The following AGL variants were observed in gnomAD, a reference collection of about 807,000 sequenced individuals.
The protein encoded by AGL is amylo-alpha-1,6-glucosidase and 4-alpha-glucanotransferase.
A neutral mutation model predicts 199.3 loss-of-function variants in AGL; 128 were observed. The ratio of observed to expected loss-of-function variants is 0.64; its 90% CI spans 0.56 to 0.74. The LOEUF (loss-of-function observed/expected upper bound fraction) is 0.74. Among genes scored for constraint, AGL ranks in the 30% least tolerant of loss-of-function variants. The probability of loss-of-function intolerance (pLI) is 0.00; values close to 1 mark genes in which losing one functional copy is unlikely to be tolerated. For synonymous variants in AGL, 584 were observed against 594.7 expected (o/e 0.98, Z 0.26); for missense variants, 1,809 against 1,820.8 (o/e 0.99, Z 0.12).
intron 27 of AGL, 23 bp downstream of exon 27, chr1:99,902,817 G>A (rs779353081): frequency 1.9e-6 from 3 of 1,551,548 alleles, no homozygotes; most frequent in Non-Finnish European, 2.7e-6. Context: ...AACTAAAATA[G>A]TACAAATTTA....
At chr1:99,852,445 G>A (rs1311902677) in intron 2 of AGL, 2 of 518,406 alleles carry the variant, frequency 3.9e-6, no homozygotes, top group East Asian at 6.8e-5. Context: ...TCATGGCTCA[G>A]TGCTGCCTCA....
intron 5 of AGL, among the ~76,000 whole-genome samples, chr1:99,870,015 T>C (rs780084116): frequency 3.3e-4 from 50 of 152,302 alleles, no homozygotes; most frequent in Non-Finnish European, 6.3e-4. Flanking sequence ...GATTCTGAAC[T>C]ATAAGCTACA....
intron 10 of AGL, 55 bp downstream of exon 10, chr1:99,875,510 T>A: frequency 6.9e-7 from 1 of 1,439,588 alleles, no homozygotes; most frequent in Non-Finnish European, 9.8e-7. Context: ...AAATTGTATT[T>A]AACTTTTGAA....
At position 99,850,980 on chromosome 1, in the gene AGL, ACT is replaced by A; in HGVS notation, c.-61_-60del. Reference sequence around the variant, plus strand: ...AACTCCTTTTTGTTTCATAGGGGTAACTCATTCGACTGTGGAGTTCTTTTAAT... The same window carrying A: ...AACTCCTTTTTGTTTCATAGGGGTAACATTCGACTGTGGAGTTCTTTTAAT... On this transcript the variant is annotated 5_prime_UTR_variant, in exon 2 of 34. Transcript: ENST00000361915. The A allele has an allele frequency of 7.6e-7, 1 of 1,318,254 alleles. No individual in the cohort carries two copies. Among genetic ancestry groups the A allele is most frequent in the Admixed American group, 1.7e-5 (1 of 59,540 alleles). 81.7% of individuals were successfully genotyped at this position (1,318,254 alleles called of 1,614,324 possible). A position where few individuals can be genotyped will look rare whatever the true frequency, so the allele number is the denominator to read the frequency against.
Position 99,851,116 on chromosome 1 carries a change from T to C in AGL, c.74T>C (p.Leu25Pro), listed in dbSNP as rs765881303. The change falls in exon 2 of 34, where the codon CTT (leucine) becomes CCT (proline). Residue 25 changes from leucine (L) to proline (P), a missense_variant. By Grantham distance (98) the Leu-to-Pro change is moderately conservative. Coordinates refer to ENST00000361915, the MANE Select transcript of AGL (RefSeq NM_000642.3). ...AAACTGGAAAAGACCCTCTTCAGAC[T>C]TGAACAAGGTCAGTAGCAAGTTGTT... ...MEKLEKTLFR[L>P]EQGYELQFRL... 3.7e-6 allele frequency: 6 copies of C among 1,613,704 alleles called. No individual in the cohort carries two copies. The highest frequency in any genetic ancestry group is 1.3e-5 in the African/African-American group (1 of 74,934).
chr1:99,900,496 T>G, intron 25 of AGL, 140 bp from the exon 26 acceptor site: 1 of 771,038 alleles, frequency 1.3e-6, no homozygotes, highest in South Asian at 1.6e-5. Context: ...ATACTATGAC[T>G]ACTTTCTACA....
chr1:99,877,739 C>T lies in AGL; in HGVS notation c.1522C>T (p.His508Tyr), dbSNP rs762213515. 7.4e-6 allele frequency: 12 copies of T among 1,614,000 alleles called. No homozygotes were observed. Among genetic ancestry groups the T allele is most frequent in the Non-Finnish European group, 1.0e-5 (12 of 1,179,948 alleles). Residue 508 changes from histidine to tyrosine, a missense_variant, in exon 12 of 34, where the codon CAC becomes TAC. Physicochemically the swap from His to Tyr is moderately conservative, Grantham distance 83 (BLOSUM62 2). Coordinates refer to ENST00000361915, the MANE Select transcript of AGL (RefSeq NM_000642.3). ...KPEDCPYLWAHMKKYTEITAT... is the reference protein window; with the variant it reads ...KPEDCPYLWAYMKKYTEITAT... ...AGAGGACTGTCCTTATCTCTGGGCA[C>T]ACATGAAAAAATACACTGAAATAAC...
At position 99,907,686 on chromosome 1, in the gene AGL, G is replaced by GTTTTTTGTTTTTTGTT. The variant is rs1553191679; in HGVS notation, c.3701-3013_3701-3012insGTTTTTTTTGTTTTTT. ...TTTTTGTTTTTGTTCGTTTGTTTTT[G>GTTTTTTGTTTTTTGTT]TTTTTTGTTTTTTTTGCTAGTAGCC... On this transcript the variant is annotated intron_variant, in intron 27 of 33. Transcript: ENST00000361915. Among the ~76,000 whole-genome samples, 143 of 59,882 alleles carry GTTTTTTGTTTTTTGTT rather than the reference G, an allele frequency of 2.4e-3. 5 individuals are homozygous for GTTTTTTGTTTTTTGTT. The highest frequency in any genetic ancestry group is 7.7e-3 in the African/African-American group (136 of 17,762). 39.3% of individuals were successfully genotyped at this position (59,882 alleles called of 152,430 possible). A position where few individuals can be genotyped will look rare whatever the true frequency, so the allele number is the denominator to read the frequency against.
chr1:99,851,120 A>G lies in AGL; in HGVS notation c.78A>G (p.Glu26=), dbSNP rs143110759. ...EKLEKTLFRL[E]QGYELQFRLG... ...TGGAAAAGACCCTCTTCAGACTTGA[A>G]CAAGGTCAGTAGCAAGTTGTTTTGA... is the stretch of plus-strand genomic sequence containing the variant. Residue 26 remains glutamate, a synonymous_variant, in exon 2 of 34, where the codon GAA becomes GAG. Coordinates refer to ENST00000361915, the MANE Select transcript of AGL (RefSeq NM_000642.3). 8.7e-6 allele frequency: 14 copies of G among 1,613,676 alleles called. No individual in the cohort carries two copies. In the African/African-American group the frequency reaches 1.5e-4, roughly 17 times the overall value.
intron 2 of AGL, chr1:99,852,426 G>T: frequency 4.6e-5 from 15 of 328,258 alleles, no homozygotes; most frequent in East Asian, 5.7e-5. Flanking sequence ...GCTGAGTGTT[G>T]TGGCATGATC....
At chr1:99,916,860 A>G (rs1655158447) in intron 33 of AGL, 129 bp downstream of exon 33, 1 of 956,726 alleles carries the variant, frequency 1.0e-6, no homozygotes, top group Non-Finnish European at 1.6e-6. Context: ...TGAAGCCTTT[A>G]TTCTTTAACA....
In AGL at chr1:99,879,489, C is replaced by T. The variant is rs182379880; in HGVS notation, c.1612-434C>T. Among the ~76,000 whole-genome samples, 5 of 152,084 alleles carry T rather than the reference C, an allele frequency of 3.3e-5. No homozygotes were observed. The East Asian group carries it at 9.7e-4, about 29-fold the overall frequency. On this transcript the variant is annotated intron_variant, in intron 12 of 33. Transcript: ENST00000361915. ...ATCCCAGCTACTCGGGAGGCTGAGG[C>T]TGGAGAATTTCTTGAACCTGGGAGG...
Position 99,916,422 on chromosome 1 carries a change from C to T in AGL, c.4272C>T (p.Tyr1424=). ...AATCATTTTGCAGTGATATGGTTTA[C>T]TGTGGAATTTATGACAATGCATTAG... The part of the protein sequence containing the change: ...MKTLDPDDMV[Y]CGIYDNALDN... Residue 1424 remains tyrosine (Y), a synonymous_variant, in exon 32 of 34, where the codon TAC becomes TAT. Transcript: ENST00000361915. 1 of 1,609,874 alleles carries T rather than the reference C, an allele frequency of 6.2e-7. No individual in the cohort carries two copies. The highest frequency in any genetic ancestry group is 1.3e-5 in the African/African-American group (1 of 74,928).
At chr1:99,917,171 TC>T (rs1655187308) in intron 33 of AGL, among the ~76,000 whole-genome samples, 1 of 152,194 alleles carries the variant, frequency 6.6e-6, no homozygotes, top group South Asian at 2.1e-4. Flanking sequence ...ATTTTTCACT[TC>T]CTTGTCCTAA....
At chr1:99,893,990 C>T (rs1372422780) in intron 24 of AGL, among the ~76,000 whole-genome samples, 2 of 151,748 alleles carry the variant, frequency 1.3e-5, no homozygotes, top group Admixed American at 6.6e-5. Context: ...CAAGACCAGC[C>T]TGAACAACAT....
intron 13 of AGL, 92 bp downstream of exon 13, chr1:99,880,138 ATT>A: frequency 2.6e-6 from 4 of 1,533,784 alleles, no homozygotes; most frequent in Non-Finnish European, 3.6e-6. Context: ...ATGCTTAATA[ATT>A]TTTTAACACA....
intron 27 of AGL, among the ~76,000 whole-genome samples, chr1:99,908,586 G>A (rs187774408): frequency 2.1e-4 from 32 of 152,218 alleles, no homozygotes; most frequent in African/African-American, 6.7e-4. Flanking sequence ...CCTCCCTTAA[G>A]CTTTTCTGTC....
rs2101087013 is a variant in AGL at position 99,862,287 on chromosome 1, T to C, written c.324T>C (p.Val108=). Residue 108 remains valine (V), a synonymous_variant, in exon 4 of 34, where the codon GTT becomes GTC. Coordinates refer to ENST00000361915, the MANE Select transcript of AGL (RefSeq NM_000642.3). ...GNEKSGGGYI[V]VDPILRVGAD... ...AGAAAAGTGGTGGAGGTTACATAGT[T>C]GTGGACCCCATTTTACGTGTTGGTG... 1 of 1,614,124 alleles carries C rather than the reference T, an allele frequency of 6.2e-7. No individual in the cohort carries two copies.
intron 16 of AGL, 45 bp from the exon 17 acceptor site, chr1:99,881,495 TC>T: frequency 6.2e-7 from 1 of 1,613,982 alleles, no homozygotes; most frequent in Non-Finnish European, 8.5e-7. Flanking sequence ...TCAGAGTAAG[TC>T]TTTCCAGTTT....
Sources: allele counts gnomAD v4.1 joint callset (sites outside exome capture counted in the v4.1 genomes callset), GRCh38; gene constraint gnomAD v4.1.1; transcripts MANE v1.5; gene names NCBI Gene and HGNC (gene_info 2026-07-23, HGNC 2026-07-21).